The following SPIRE2 variants were observed in gnomAD, a reference collection of about 807,000 sequenced individuals.
The protein encoded by SPIRE2 is protein spire homolog 2.
Under a neutral mutation model 80.7 loss-of-function variants are expected in SPIRE2, and 76 were observed. That is an observed-to-expected ratio of 0.94 (90% CI 0.78 to 1.14). The LOEUF is 1.14. Ranked by LOEUF, SPIRE2 falls within the 50% of genes most tolerant of loss-of-function variation. SPIRE2 has a pLI of 0.00. For missense variants in SPIRE2, 1,196 were observed against 1,015.3 expected (o/e 1.18, Z -2.42); for synonymous variants, 535 against 432.6 (o/e 1.24, Z -2.94).
At chr16:89,860,631 T>A in intron 9 of SPIRE2, 52 bp from the exon 10 acceptor site, 1 of 1,295,134 alleles carries the variant, frequency 7.7e-7, no homozygotes, top group Non-Finnish European at 1.1e-6. Context: ...CACAGTCCTC[T>A]TTACCACAGC....
intron 1 of SPIRE2, chr16:89,836,210 T>TA (rs1164096282): frequency 8.8e-6 from 4 of 455,790 alleles, no homozygotes; most frequent in African/African-American, 6.0e-5. Context: ...GTTATTCTCT[T>TA]ACAGTTGAAG....
At chr16:89,867,299 A>G (rs1308296161) in intron 12 of SPIRE2, among the ~76,000 whole-genome samples, 1 of 147,306 alleles carries the variant, frequency 6.8e-6, no homozygotes, top group African/African-American at 2.4e-5. Flanking sequence ...GCCCGCCACC[A>G]TGCCCGGCTA....
At position 89,855,592 on chromosome 16, in the gene SPIRE2, C is replaced by T. The variant is rs1389816455; in HGVS notation, c.892-8C>T. 2 of 1,611,984 alleles carry T rather than the reference C, an allele frequency of 1.2e-6. No homozygotes were observed. The highest frequency in any genetic ancestry group is 2.7e-5 in the African/African-American group (2 of 74,916). On this transcript the variant is annotated splice_region_variant and splice_polypyrimidine_tract_variant and intron_variant, in intron 5 of 14. Transcript: ENST00000378247. ...TGCAGGGCCTCAGATCAGCCGTCCTCCCCGCAGGTGGATGGGGACATCCCG... is the reference window on the plus strand; with the variant it reads ...TGCAGGGCCTCAGATCAGCCGTCCTTCCCGCAGGTGGATGGGGACATCCCG...
chr16:89,838,943 T>G (rs956254292), intron 1 of SPIRE2, among the ~76,000 whole-genome samples: 2 of 149,844 alleles, frequency 1.3e-5, no homozygotes, highest in Admixed American at 1.3e-4. Flanking sequence ...TTGGCCAGGC[T>G]GGTCTTGAAC....
chr16:89,849,381 C>T (rs1193007435), intron 2 of SPIRE2, among the ~76,000 whole-genome samples: 1 of 152,240 alleles, frequency 6.6e-6, no homozygotes, highest in Non-Finnish European at 1.5e-5. Context: ...GTCCCCACGT[C>T]AGTGTGGCTC....
At position 89,856,126 on chromosome 16, in the gene SPIRE2, G is replaced by A. The variant is rs143773851; in HGVS notation, c.992G>A (p.Arg331Gln). 55 of 1,611,600 alleles carry A rather than the reference G, an allele frequency of 3.4e-5. No individual in the cohort carries two copies. Among genetic ancestry groups the A allele is most frequent in the South Asian group, 2.6e-4 (24 of 90,992 alleles). ...TCCCCACCGCAGGTCTCTGAGAGGC[G>A]GCTGCGCCCGTTGCCACCAAAGCAA... is the stretch of plus-strand genomic sequence containing the variant. ...RPPLKQVSERRLRPLPPKQRS... is the reference protein window; with the variant it reads ...RPPLKQVSERQLRPLPPKQRS... The change falls in exon 7 of 15, where the codon CGG becomes CAG. Residue 331 changes from arginine to glutamine, a missense_variant. Physicochemically the swap from Arg to Gln is conservative, Grantham distance 43 (BLOSUM62 1). Transcript: ENST00000378247.
intron 1 of SPIRE2, among the ~76,000 whole-genome samples, chr16:89,833,017 GT>G (rs1356951382): frequency 3.6e-5 from 5 of 138,906 alleles, no homozygotes; most frequent in African/African-American, 1.4e-4. Context: ...GTGAGACAGA[GT>G]TTCGCTCTGT....
chr16:89,857,679 T>C (rs911743443), intron 7 of SPIRE2, among the ~76,000 whole-genome samples: 38 of 151,596 alleles, frequency 2.5e-4, no homozygotes, highest in African/African-American at 8.7e-4. Context: ...CAAGCGATTC[T>C]CCTGCCTCAG....
chr16:89,845,500 CT>C (rs1156758423), intron 2 of SPIRE2, 135 bp downstream of exon 2: 9 of 833,644 alleles, frequency 1.1e-5, no homozygotes, highest in Non-Finnish European at 1.8e-5. Context: ...ACCCAACAGG[CT>C]TAGTTGCAGG....
chr16:89,853,975 C>A (rs62056087), intron 3 of SPIRE2, among the ~76,000 whole-genome samples: 9,234 of 152,340 alleles, frequency 0.061, 440 homozygotes, highest in East Asian at 0.23. Flanking sequence ...AGAAGCAGCT[C>A]AGCGTAAAGG....
chr16:89,853,001 C>T (rs1212705930), intron 3 of SPIRE2, among the ~76,000 whole-genome samples: 1 of 150,390 alleles, frequency 6.6e-6, no homozygotes, highest in Non-Finnish European at 1.5e-5. Flanking sequence ...TTCCATCCTC[C>T]CTCTCACCCT....
chr16:89,853,021 A>C (rs1477078344), intron 3 of SPIRE2, among the ~76,000 whole-genome samples: 5 of 147,816 alleles, frequency 3.4e-5, no homozygotes, highest in African/African-American at 7.5e-5. Flanking sequence ...TCAAGATCCC[A>C]TGGCCCATCT....
intron 12 of SPIRE2, among the ~76,000 whole-genome samples, chr16:89,864,555 C>G (rs985459334): frequency 6.6e-6 from 1 of 152,196 alleles, no homozygotes; most frequent in Non-Finnish European, 1.5e-5. Flanking sequence ...AATTTACCTT[C>G]CCTTGTTCTA....
At position 89,858,507 on chromosome 16, in the gene SPIRE2, G is replaced by C. The variant is rs2041713363; in HGVS notation, c.1272G>C (p.Glu424Asp). 6.4e-7 allele frequency: 1 copy of C among 1,572,798 alleles called. No homozygotes were observed. Among genetic ancestry groups the C allele is most frequent in the Non-Finnish European group, 8.6e-7 (1 of 1,160,596 alleles). ...LAEMEEMNTS[E>D]EEESPCGEVT... Reference sequence around the variant, plus strand: ...AAATGGAAGAGATGAATACATCTGAGGTCAGAACCCATGGGGATTCCTGAA... The same window carrying C: ...AAATGGAAGAGATGAATACATCTGACGTCAGAACCCATGGGGATTCCTGAA... The change falls in exon 8 of 15, where the codon GAG becomes GAC. Residue 424 changes from glutamate (E) to aspartate (D), a missense_variant and splice_region_variant. Physicochemically the swap from Glu to Asp is conservative, Grantham distance 45. Transcript: ENST00000378247.
At chr16:89,853,054 C>G (rs1231864885) in intron 3 of SPIRE2, among the ~76,000 whole-genome samples, 4 of 152,088 alleles carry the variant, frequency 2.6e-5, no homozygotes, top group Admixed American at 6.6e-5. Context: ...CTCAGCTCCC[C>G]CTTGGCCTCC....
At chr16:89,855,850 C>T (rs1335387643) in intron 6 of SPIRE2, 164 bp downstream of exon 6, 8 of 900,910 alleles carry the variant, frequency 8.9e-6, no homozygotes, top group African/African-American at 1.7e-5. Flanking sequence ...TGCCTGTGTG[C>T]CAGCCCGGGG....
chr16:89,858,774 G>C (rs775093249), intron 8 of SPIRE2, among the ~76,000 whole-genome samples: 1 of 152,202 alleles, frequency 6.6e-6, no homozygotes, highest in East Asian at 1.9e-4. Context: ...GAAGTGCCTC[G>C]CTGTCCCAGG....
intron 14 of SPIRE2, 118 bp from the exon 15 acceptor site, chr16:89,869,932 C>T: frequency 2.3e-6 from 2 of 880,604 alleles, no homozygotes; most frequent in Non-Finnish European, 1.8e-6. Flanking sequence ...TGCCTGAGGG[C>T]CAAGGGGAGG....
intron 12 of SPIRE2, among the ~76,000 whole-genome samples, chr16:89,864,142 CA>C (rs1490131325): frequency 2.0e-5 from 3 of 152,170 alleles, no homozygotes; most frequent in Non-Finnish European, 2.9e-5. Context: ...CAATGGTTTT[CA>C]AGACAGCAGG....
Sources: allele counts gnomAD v4.1 joint callset (sites outside exome capture counted in the v4.1 genomes callset), GRCh38; gene constraint gnomAD v4.1.1; transcripts MANE v1.5; gene names NCBI Gene and HGNC (gene_info 2026-07-23, HGNC 2026-07-21).